The following HSD17B12 variants were observed in gnomAD, a reference collection of about 807,000 sequenced individuals.
HSD17B12 encodes the protein hydroxysteroid 17-beta dehydrogenase 12, also known as very-long-chain 3-oxoacyl-CoA reductase.
A neutral mutation model predicts 39.3 loss-of-function variants in HSD17B12; 32 were observed. The observed-to-expected ratio is 0.81, with a 90% CI of 0.61 to 1.09. HSD17B12 has a LOEUF of 1.09. Among genes scored for constraint, HSD17B12 ranks in the 50% least tolerant of loss-of-function variants. HSD17B12 has a pLI of 0.00. For missense variants in HSD17B12, 342 were observed against 382.9 expected (o/e 0.89, Z 0.89); for synonymous variants, 150 against 146.7 (o/e 1.02, Z -0.16).
chr11:43,830,833 G>A (rs2135111243), intron 6 of HSD17B12, 143 bp from the exon 7 acceptor site: 1 of 612,954 alleles, frequency 1.6e-6, no homozygotes, highest in South Asian at 2.1e-5. Context: ...ACATTCTACA[G>A]TGTACAGAAA....
At chr11:43,629,415 A>G in the HSD17B12 span, among the ~76,000 whole-genome samples, 1 of 152,186 alleles carries the variant, frequency 6.6e-6, no homozygotes, top group African/African-American at 2.4e-5. Context: ...TCAGAGAGCT[A>G]CTATTACATT....
chr11:43,658,811 G>A, the HSD17B12 span, among the ~76,000 whole-genome samples: 3 of 152,314 alleles, frequency 2.0e-5, no homozygotes, highest in South Asian at 2.1e-4. Flanking sequence ...CTACTGGGGG[G>A]TGCCTCCCAG....
rs112562692 is a variant in HSD17B12 at position 43,698,300 on chromosome 11, C to T, written c.160+17313C>T. Among the ~76,000 whole-genome samples the T allele has an allele frequency of 6.3e-3, 964 of 152,244 alleles. 8 individuals are homozygous for T. Among genetic ancestry groups the T allele is most frequent in the African/African-American group, 0.022 (918 of 41,546 alleles). ...TGACAGGTTCTATGTGGATATCAGGCAGTCTTACTGTAGATTCGCACCAAG... is the reference window on the plus strand; with the variant it reads ...TGACAGGTTCTATGTGGATATCAGGTAGTCTTACTGTAGATTCGCACCAAG... On this transcript the variant is annotated intron_variant, in intron 1 of 10. Transcript: ENST00000278353.
chr11:43,742,041 G>T (rs1376688732), intron 1 of HSD17B12, among the ~76,000 whole-genome samples: 1 of 148,862 alleles, frequency 6.7e-6, no homozygotes, highest in Non-Finnish European at 1.5e-5. Flanking sequence ...GCAACTGAGG[G>T]ATTTTCTATC....
At chr11:43,581,147 G>A in the HSD17B12 span, among the ~76,000 whole-genome samples, 1 of 152,134 alleles carries the variant, frequency 6.6e-6, no homozygotes, top group Admixed American at 6.5e-5. This position sits in a 1 kb window ranked among gnomAD's most constrained non-coding sequence, Gnocchi z 4.9. Context: ...TGGGCTCCGG[G>A]ATCCGGGTGC....
the HSD17B12 span, among the ~76,000 whole-genome samples, chr11:43,557,269 T>C: frequency 3.5e-4 from 54 of 152,316 alleles, no homozygotes; most frequent in African/African-American, 1.2e-3. Context: ...AGAAGTATTC[T>C]GTAGTGGGCA....
Position 43,855,707 on chromosome 11 carries a change from A to G in HSD17B12, c.*459A>G, listed in dbSNP as rs1190909916. The stretch of plus-strand genomic sequence containing the variant: ...AGATCGATTTGATTTGTTTATAAGC[A>G]GACACACTGCAATTTACAAAGATCT... On this transcript the variant is annotated 3_prime_UTR_variant, in exon 11 of 11. Transcript: ENST00000278353. The G allele has an allele frequency of 6.6e-6, 1 of 152,518 alleles. No homozygotes were observed. Among genetic ancestry groups the G allele is most frequent in the African/African-American group, 2.4e-5 (1 of 41,410 alleles). 9.4% of individuals were successfully genotyped at this position (152,518 alleles called of 1,614,324 possible). A position where few individuals can be genotyped will look rare whatever the true frequency, so the allele number is the denominator to read the frequency against.
intron 1 of HSD17B12, among the ~76,000 whole-genome samples, chr11:43,742,139 A>ATTTTT (rs34321708): frequency 8.1e-6 from 1 of 123,510 alleles, no homozygotes; most frequent in East Asian, 2.4e-4. Flanking sequence ...ATATATATAT[A>ATTTTT]TTTTTTTTTT....
the HSD17B12 span, among the ~76,000 whole-genome samples, chr11:43,613,078 T>G: frequency 3.9e-5 from 6 of 152,120 alleles, no homozygotes; most frequent in South Asian, 2.1e-4. Flanking sequence ...TCCAGATCAA[T>G]GAGAAAGCCA....
rs568948997 is a variant in HSD17B12 at position 43,822,696 on chromosome 11, G to A, written c.501+6305G>A. Among the ~76,000 whole-genome samples the A allele has an allele frequency of 8.5e-5, 13 of 152,254 alleles. No homozygotes were observed. The East Asian group carries it at 9.6e-4, about 11-fold the overall frequency. ...TTATGGCTGCATAGTATTCCATGGC[G>A]TATATGTGCCACATTTTCTTAATCC... On this transcript the variant is annotated intron_variant, in intron 6 of 10. Coordinates refer to ENST00000278353, the MANE Select transcript of HSD17B12 (RefSeq NM_016142.3).
At chr11:43,611,180 C>G in the HSD17B12 span, among the ~76,000 whole-genome samples, 1 of 152,148 alleles carries the variant, frequency 6.6e-6, no homozygotes, top group Non-Finnish European at 1.5e-5. Context: ...TGGATGATCG[C>G]AGAATGTAAA....
At chr11:43,665,466 G>A in the HSD17B12 span, among the ~76,000 whole-genome samples, 5 of 152,046 alleles carry the variant, frequency 3.3e-5, no homozygotes, top group Admixed American at 6.6e-5. Context: ...TGATCTTCCC[G>A]TCTCAGCCTC....
chr11:43,716,561 T>C (rs965322745), intron 1 of HSD17B12, among the ~76,000 whole-genome samples: 2 of 151,962 alleles, frequency 1.3e-5, no homozygotes, highest in Admixed American at 6.6e-5. Flanking sequence ...CAAACCCTTA[T>C]TGATCACTTA....
chr11:43,686,679 A>G (rs1000194956), intron 1 of HSD17B12, among the ~76,000 whole-genome samples: 5 of 149,404 alleles, frequency 3.3e-5, no homozygotes, highest in Admixed American at 6.7e-5. Context: ...TTGGAGACCC[A>G]AACCTAGACT....
chr11:43,566,186 G>GTA, the HSD17B12 span, among the ~76,000 whole-genome samples: 3,805 of 152,300 alleles, frequency 0.025, 154 homozygotes, highest in African/African-American at 0.085. Flanking sequence ...GTGGGATGAT[G>GTA]TATACATACC....
intron 1 of HSD17B12, among the ~76,000 whole-genome samples, chr11:43,704,163 T>C (rs745566858): frequency 7.2e-5 from 11 of 152,232 alleles, no homozygotes; most frequent in Non-Finnish European, 1.0e-4. Flanking sequence ...GATTTCATTT[T>C]CTTTAAGCAA....
intron 3 of HSD17B12, among the ~76,000 whole-genome samples, chr11:43,774,961 G>C (rs901114019): frequency 1.3e-5 from 2 of 152,184 alleles, no homozygotes; most frequent in South Asian, 2.1e-4. Flanking sequence ...TTGACTTTGA[G>C]TTAGCCAAGA....
intron 9 of HSD17B12, among the ~76,000 whole-genome samples, chr11:43,851,597 T>C (rs1327569914): frequency 2.0e-5 from 3 of 152,234 alleles, no homozygotes; most frequent in Admixed American, 1.3e-4. Context: ...ATTATCAACT[T>C]CTTGGTGTAA....
chr11:43,833,571 A>G (rs1951335831), intron 7 of HSD17B12: 1 of 152,242 alleles, frequency 6.6e-6, no homozygotes, highest in African/African-American at 2.4e-5. Flanking sequence ...GAGGAGAGAA[A>G]AATTCCAAGT....
Sources: allele counts gnomAD v4.1 joint callset (sites outside exome capture counted in the v4.1 genomes callset), GRCh38; gene constraint gnomAD v4.1.1; non-coding constraint Gnocchi (gnomAD v3.1); transcripts MANE v1.5; gene names NCBI Gene and HGNC (gene_info 2026-07-23, HGNC 2026-07-21).